Variants in FHOD3 observed in about 807,000 individuals in gnomAD.
FHOD3 encodes FH1/FH2 domain-containing protein 3.
In FHOD3, 90 loss-of-function variants were observed where a neutral mutation model predicts 173.0. That is an observed-to-expected ratio of 0.52 (90% CI 0.44 to 0.62). The LOEUF (loss-of-function observed/expected upper bound fraction) is 0.62, where lower values mean the gene tolerates loss of function less well. Among genes scored for constraint, FHOD3 ranks in the 20% least tolerant of loss-of-function variants. The pLI is 0.00. For synonymous variants in FHOD3, 828 were observed against 823.0 expected (o/e 1.01, Z -0.10); for missense variants, 1,945 against 2,034.7 (o/e 0.96, Z 0.85).
intron 7 of FHOD3, among the ~76,000 whole-genome samples, chr18:36,595,347 A>G (rs78576137): frequency 0.021 from 3,258 of 152,078 alleles, 128 homozygotes; most frequent in African/African-American, 0.075. Flanking sequence ...GGTTTAACCT[A>G]TGCTCCTGGC....
At chr18:36,626,218 A>G (rs2034098004) in intron 10 of FHOD3, among the ~76,000 whole-genome samples, 1 of 152,174 alleles carries the variant, frequency 6.6e-6, no homozygotes, top group Admixed American at 6.5e-5. Flanking sequence ...CTGTCTCTAT[A>G]TATTTCAGTA....
intron 9 of FHOD3, among the ~76,000 whole-genome samples, chr18:36,621,382 C>G (rs1015988362): frequency 2.6e-5 from 4 of 152,186 alleles, no homozygotes; most frequent in African/African-American, 9.7e-5. Context: ...TGTAAAACAA[C>G]AATCCCTGTT....
At chr18:36,567,383 C>T (rs2058301754) in intron 5 of FHOD3, among the ~76,000 whole-genome samples, 1 of 152,168 alleles carries the variant, frequency 6.6e-6, no homozygotes, top group African/African-American at 2.4e-5. Context: ...ACCCTGGGCC[C>T]AGGAGTTGCT....
At chr18:36,346,864 A>G (rs1007749483) in intron 1 of FHOD3, among the ~76,000 whole-genome samples, 14 of 152,096 alleles carry the variant, frequency 9.2e-5, no homozygotes, top group African/African-American at 2.9e-4. Context: ...GCCTCCCTTC[A>G]CTGCCTTAAA....
At chr18:36,458,186 G>A (rs9652993) in intron 3 of FHOD3, among the ~76,000 whole-genome samples, 15,591 of 152,132 alleles carry the variant, frequency 0.1, 1,663 homozygotes, top group African/African-American at 0.25. Flanking sequence ...TGGAGGTTCA[G>A]AGGAAACTTA....
Position 36,364,774 on chromosome 18 carries a change from G to A in FHOD3, c.273-7906G>A, listed in dbSNP as rs150013365. Among the ~76,000 whole-genome samples the A allele has an allele frequency of 6.6e-3, 1,012 of 152,318 alleles. 3 individuals are homozygous for A. Among genetic ancestry groups the A allele is most frequent in the Non-Finnish European group, 0.01 (713 of 68,028 alleles). ...TGGGTAACCAGCAGCATCTGCCTCC[G>A]CAAGAAGAGAGGACATTTCAAAGAA... On this transcript the variant is annotated intron_variant, in intron 2 of 28. Coordinates refer to ENST00000590592, the MANE Select transcript of FHOD3 (RefSeq NM_001281740.3).
At position 36,658,138 on chromosome 18, in the gene FHOD3, C is replaced by T. The variant is rs1468426072; in HGVS notation, c.1785C>T (p.Pro595=). ...SSRPSSGSSV[P]TTPTSSVSPP... ...GACCCTCATCTGGATCCAGTGTGCCCACCACCCCCACATCATCCGTCTCAC... is the reference window on the plus strand; with the variant it reads ...GACCCTCATCTGGATCCAGTGTGCCTACCACCCCCACATCATCCGTCTCAC... Residue 595 remains proline (P), a synonymous_variant, in exon 14 of 29, where the codon CCC becomes CCT. Coordinates refer to ENST00000590592, the MANE Select transcript of FHOD3 (RefSeq NM_001281740.3). 9 of 1,592,508 alleles carry T rather than the reference C, an allele frequency of 5.7e-6. No individual in the cohort carries two copies. The highest frequency in any genetic ancestry group is 7.7e-6 in the Non-Finnish European group (9 of 1,172,184).
chr18:36,625,846 G>A (rs571356129), intron 10 of FHOD3, 97 bp downstream of exon 10: 5 of 1,055,386 alleles, frequency 4.7e-6, no homozygotes, highest in East Asian at 2.8e-5. Context: ...TGGCCACTTT[G>A]TCCCCCACCC....
chr18:36,712,053 C>T (rs1238244573), intron 18 of FHOD3, among the ~76,000 whole-genome samples: 1 of 152,180 alleles, frequency 6.6e-6, no homozygotes, highest in African/African-American at 2.4e-5. Context: ...CAGTGTGAGT[C>T]AGCGCTCTTG....
intron 3 of FHOD3, among the ~76,000 whole-genome samples, chr18:36,488,644 C>A (rs890714977): frequency 2.6e-5 from 4 of 152,156 alleles, no homozygotes; most frequent in Admixed American, 2.6e-4. Context: ...CTAGCTTGTG[C>A]CAGGTGTGTT....
chr18:36,377,664 G>T (rs1226978827), intron 3 of FHOD3, among the ~76,000 whole-genome samples: 4 of 152,136 alleles, frequency 2.6e-5, no homozygotes, highest in African/African-American at 9.7e-5. Context: ...CGGGCACCTG[G>T]CCCCTCTGGG....
At chr18:36,476,679 A>T (rs2053592309) in intron 3 of FHOD3, among the ~76,000 whole-genome samples, 1 of 152,254 alleles carries the variant, frequency 6.6e-6, no homozygotes, top group African/African-American at 2.4e-5. Flanking sequence ...AAAGCAAGTC[A>T]TGGGAAAAAT....
At chr18:36,630,239 A>T (rs1200364886) in intron 10 of FHOD3, among the ~76,000 whole-genome samples, 1 of 152,200 alleles carries the variant, frequency 6.6e-6, no homozygotes, top group Non-Finnish European at 1.5e-5. Flanking sequence ...TCTATAGAAT[A>T]TATTTCTAGT....
At chr18:36,404,456 C>T (rs576188422) in intron 3 of FHOD3, among the ~76,000 whole-genome samples, 21 of 152,318 alleles carry the variant, frequency 1.4e-4, no homozygotes, top group Non-Finnish European at 2.5e-4. Flanking sequence ...GCAGCTGACA[C>T]CTAAAAGGAG....
intron 6 of FHOD3, among the ~76,000 whole-genome samples, chr18:36,589,912 G>C (rs2059156111): frequency 6.6e-6 from 1 of 152,192 alleles, no homozygotes; most frequent in Non-Finnish European, 1.5e-5. Flanking sequence ...GCTTGAGCCT[G>C]TAAGTTGTAG....
At chr18:36,697,432 G>C (rs1169085961) in intron 17 of FHOD3, among the ~76,000 whole-genome samples, 7 of 152,150 alleles carry the variant, frequency 4.6e-5, no homozygotes, top group Non-Finnish European at 1.0e-4. Flanking sequence ...AGCCATGAAA[G>C]CAAAATTATG....
intron 17 of FHOD3, among the ~76,000 whole-genome samples, chr18:36,706,527 G>A (rs927726043): frequency 7.9e-5 from 12 of 152,272 alleles, no homozygotes; most frequent in Admixed American, 6.5e-5. Flanking sequence ...TCCAGAGCTC[G>A]CGTGTCTGTT....
At chr18:36,418,226 T>C (rs73949495) in intron 3 of FHOD3, among the ~76,000 whole-genome samples, 4,706 of 152,310 alleles carry the variant, frequency 0.031, 155 homozygotes, top group Admixed American at 0.086. Context: ...TCAGAGTGGT[T>C]GTGGTGATCT....
intron 5 of FHOD3, among the ~76,000 whole-genome samples, chr18:36,529,118 G>A (rs1331298737): frequency 1.3e-5 from 2 of 152,226 alleles, no homozygotes; most frequent in African/African-American, 2.4e-5. Context: ...TGCATGTACT[G>A]GTTGTGGATA....
Sources: allele counts gnomAD v4.1 joint callset (sites outside exome capture counted in the v4.1 genomes callset), GRCh38; gene constraint gnomAD v4.1.1; transcripts MANE v1.5; gene names NCBI Gene and HGNC (gene_info 2026-07-23, HGNC 2026-07-21).